Variants in FOXP1 observed in about 807,000 individuals in gnomAD.
FOXP1 encodes forkhead box P1, also known as forkhead box protein P1.
A neutral mutation model predicts 98.2 loss-of-function variants in FOXP1; 15 were observed. The observed-to-expected ratio is 0.15, with a 90% CI of 0.10 to 0.24. The LOEUF is 0.24. Ranked by LOEUF, FOXP1 falls within the 10% of genes least tolerant of loss-of-function variation. The probability of loss-of-function intolerance (pLI) is 1.00; values close to 1 mark genes in which losing one functional copy is unlikely to be tolerated. For missense variants in FOXP1, 633 were observed against 848.5 expected, an observed-to-expected ratio of 0.75 and a Z score of 3.15; for synonymous variants, 371 against 314.5, an observed-to-expected ratio of 1.18 and a Z score of -1.90.
At chr3:71,384,416 G>C (rs2080416505) in intron 3 of FOXP1, among the ~76,000 whole-genome samples, 1 of 152,146 alleles carries the variant, frequency 6.6e-6, no homozygotes, top group African/African-American at 2.4e-5. Flanking sequence ...GGAATATCAA[G>C]AGTTCTCTAA....
chr3:71,581,369 G>A lies in FOXP1; in HGVS notation c.-298+180C>T, dbSNP rs952094116. Reference sequence around the variant, plus strand: ...AAGAAAGAGGGGAAAAGGGTGGAGGGGAGGAAGTCCAGTATTTCGAAGCAC... The same window carrying A: ...AAGAAAGAGGGGAAAAGGGTGGAGGAGAGGAAGTCCAGTATTTCGAAGCAC... On this transcript the variant is annotated intron_variant, in intron 2 of 20. Transcript: ENST00000649528. The A allele has an allele frequency of 3.0e-6, 3 of 985,434 alleles. 1 individual carries two copies. Among genetic ancestry groups the A allele is most frequent in the Non-Finnish European group, 3.6e-6 (3 of 829,922 alleles). 61.0% of individuals were successfully genotyped at this position (985,434 alleles called of 1,614,324 possible). A position where few individuals can be genotyped will look rare whatever the true frequency, so the allele number is the denominator to read the frequency against.
chr3:71,546,455 C>T (rs1441735710), intron 2 of FOXP1, among the ~76,000 whole-genome samples: 1 of 152,174 alleles, frequency 6.6e-6, no homozygotes, highest in Non-Finnish European at 1.5e-5. Flanking sequence ...TGTGGTTCTT[C>T]ATAAGGTCCC....
In FOXP1 at chr3:71,015,581, T is replaced by C; in HGVS notation, c.942A>G (p.Glu314=). ...GHGVCKWPGC[E]AVCEDFQSFL... ...ATGATTGGAAATCTTCGCACACTGC[T>C]TCACAGCCTGGCCACTTGCATACAC... is the stretch of plus-strand genomic sequence containing the variant. The change falls in exon 12 of 21, where the codon GAA becomes GAG. Residue 314 remains glutamate, a synonymous_variant. Coordinates refer to ENST00000649528, the MANE Select transcript of FOXP1 (RefSeq NM_001349338.3). 6.2e-7 allele frequency: 1 copy of C among 1,613,170 alleles called. No homozygotes were observed. Among genetic ancestry groups the C allele is most frequent in the Non-Finnish European group, 8.5e-7 (1 of 1,179,290 alleles).
intron 5 of FOXP1, among the ~76,000 whole-genome samples, chr3:71,258,998 A>C (rs2068869691): frequency 6.6e-6 from 1 of 152,164 alleles, no homozygotes; most frequent in African/African-American, 2.4e-5. Context: ...ACAAAAAATT[A>C]GCTGGGCATG....
chr3:71,370,798 G>GC, intron 3 of FOXP1, among the ~76,000 whole-genome samples: 1 of 128,412 alleles, frequency 7.8e-6, no homozygotes, highest in South Asian at 2.5e-4. Flanking sequence ...TTTTTTTGTT[G>GC]TTTTTTTTTT....
At chr3:71,477,657 C>T (rs1481643254) in intron 3 of FOXP1, among the ~76,000 whole-genome samples, 1 of 152,148 alleles carries the variant, frequency 6.6e-6, no homozygotes, top group Non-Finnish European at 1.5e-5. Context: ...ATTCATAATG[C>T]TAGATTGAAT....
At chr3:71,329,205 G>A (rs1296102079) in intron 4 of FOXP1, among the ~76,000 whole-genome samples, 1 of 151,756 alleles carries the variant, frequency 6.6e-6, no homozygotes, top group Non-Finnish European at 1.5e-5. Flanking sequence ...CTTTCACAAA[G>A]TCTAGACCTC....
chr3:71,385,529 T>C (rs867018187), intron 3 of FOXP1, among the ~76,000 whole-genome samples: 3 of 152,094 alleles, frequency 2.0e-5, no homozygotes, highest in Non-Finnish European at 4.4e-5. Flanking sequence ...CTCTCCCCAC[T>C]TGCTGAGGTG....
rs574148905 is a variant in FOXP1, at chr3:71,197,287, C to T, written c.180+915G>A. 5.9e-5 allele frequency among the ~76,000 whole-genome samples: 9 copies of T among 152,234 alleles called. 1 individual carries two copies. Among genetic ancestry groups the T allele is most frequent in the African/African-American group, 2.2e-4 (9 of 41,536 alleles). On this transcript the variant is annotated intron_variant, in intron 6 of 20. Coordinates refer to ENST00000649528, the MANE Select transcript of FOXP1 (RefSeq NM_001349338.3). Reference sequence around the variant, plus strand: ...TTGAATAAGTAAATCAAGAACAAAACCGGTCATAAACCATCTATTATTATT... The same window carrying T: ...TTGAATAAGTAAATCAAGAACAAAATCGGTCATAAACCATCTATTATTATT...
intron 7 of FOXP1, among the ~76,000 whole-genome samples, chr3:71,084,836 C>G (rs1377488585): frequency 6.6e-6 from 1 of 152,132 alleles, no homozygotes; most frequent in African/African-American, 2.4e-5. Flanking sequence ...AGTTCGAGGC[C>G]AGCCTGTGCA....
intron 7 of FOXP1, among the ~76,000 whole-genome samples, chr3:71,056,438 T>TA (rs1481954855): frequency 1.3e-5 from 2 of 152,180 alleles, no homozygotes; most frequent in Non-Finnish European, 2.9e-5. Context: ...ATAATGAACT[T>TA]GAGTCTCCCC....
At chr3:71,035,017 CA>C (rs1249094215) in intron 11 of FOXP1, among the ~76,000 whole-genome samples, 1 of 152,156 alleles carries the variant, frequency 6.6e-6, no homozygotes, top group Non-Finnish European at 1.5e-5. Context: ...TTCCAAGTGT[CA>C]AAACCTCAGT....
chr3:71,379,502 T>A (rs969584315), intron 3 of FOXP1, among the ~76,000 whole-genome samples: 1 of 152,044 alleles, frequency 6.6e-6, no homozygotes, highest in African/African-American at 2.4e-5. Context: ...AAGAATTTCA[T>A]ACCAGGGGTC....
chr3:71,089,353 G>A (rs958867640), intron 7 of FOXP1, among the ~76,000 whole-genome samples: 1 of 152,134 alleles, frequency 6.6e-6, no homozygotes, highest in East Asian at 1.9e-4. Flanking sequence ...CCATGTGAGC[G>A]AGCCATCTTG....
intron 2 of FOXP1, among the ~76,000 whole-genome samples, chr3:71,577,325 G>A (rs1035249923): frequency 6.6e-6 from 1 of 151,574 alleles, no homozygotes; most frequent in East Asian, 1.9e-4. Context: ...AACACTTCTA[G>A]AAATCAAATA....
chr3:71,059,172 A>C (rs1231662139), intron 7 of FOXP1, among the ~76,000 whole-genome samples: 1 of 152,166 alleles, frequency 6.6e-6, no homozygotes, highest in Non-Finnish European at 1.5e-5. Flanking sequence ...TTTGTTTATT[A>C]CATTCTATCA....
intron 5 of FOXP1, among the ~76,000 whole-genome samples, chr3:71,295,067 G>A (rs1197571693): frequency 6.6e-6 from 1 of 152,178 alleles, no homozygotes; most frequent in Non-Finnish European, 1.5e-5. Flanking sequence ...TCTTTACCCT[G>A]ACGGTTACAA....
chr3:71,326,073 A>G (rs1004864440), intron 4 of FOXP1, among the ~76,000 whole-genome samples: 3 of 144,212 alleles, frequency 2.1e-5, no homozygotes, highest in African/African-American at 2.9e-5. Flanking sequence ...TTTCAAGTAG[A>G]AAAAAAAAGC....
intron 7 of FOXP1, among the ~76,000 whole-genome samples, chr3:71,106,707 G>A (rs1575726180): frequency 6.6e-6 from 1 of 151,602 alleles, no homozygotes; most frequent in African/African-American, 2.4e-5. Context: ...AGATCCTCTG[G>A]CCTCAGCCTT....
Sources: allele counts gnomAD v4.1 joint callset (sites outside exome capture counted in the v4.1 genomes callset), GRCh38; gene constraint gnomAD v4.1.1; transcripts MANE v1.5; gene names NCBI Gene and HGNC (gene_info 2026-07-23, HGNC 2026-07-21).